Variants in RASAL2 observed in about 807,000 individuals in gnomAD.
RASAL2 encodes RAS protein activator like 2.
A neutral mutation model predicts 128.9 loss-of-function variants in RASAL2; 58 were observed. The ratio of observed to expected loss-of-function variants is 0.45; its 90% confidence interval spans 0.36 to 0.56. The LOEUF (loss-of-function observed/expected upper bound fraction) is 0.56. Among genes scored for constraint, RASAL2 ranks in the 20% least tolerant of loss-of-function variants. RASAL2 has a pLI of 0.00. For missense variants in RASAL2, 1,360 were observed against 1,601.6 expected (o/e 0.85, Z 2.57); for synonymous variants, 561 against 580.8 (o/e 0.97, Z 0.49).
At chr1:178,206,508 C>A (rs1340720646) in intron 1 of RASAL2, among the ~76,000 whole-genome samples, 1 of 152,124 alleles carries the variant, frequency 6.6e-6, no homozygotes, top group Admixed American at 6.5e-5. Context: ...AAGTGACAAG[C>A]CAAAATATAG....
At chr1:178,284,737 A>G (rs1451276464) in intron 2 of RASAL2, among the ~76,000 whole-genome samples, 1 of 151,984 alleles carries the variant, frequency 6.6e-6, no homozygotes, top group Non-Finnish European at 1.5e-5. Flanking sequence ...TCCACCATAT[A>G]AAAAAATAAG....
In RASAL2 at chr1:178,222,142, A is replaced by G. The variant is rs568013999; in HGVS notation, c.203-61422A>G. Among the ~76,000 whole-genome samples, 5 of 152,192 alleles carry G rather than the reference A, an allele frequency of 3.3e-5. No homozygotes were observed. In the East Asian group the frequency reaches 9.7e-4, roughly 29 times the overall value. ...ATGTGTGTCTTTATATTTAAAATGT[A>G]TTTCTTGTAGATAACGTATAGTTAG... On this transcript the variant is annotated intron_variant, in intron 1 of 17. Transcript: ENST00000367649.
In RASAL2 at chr1:178,444,885, G is replaced by A. The variant is rs998267620; in HGVS notation, c.1483-633G>A. On this transcript the variant is annotated intron_variant, in intron 8 of 17. Transcript: ENST00000367649. ...ACAAAAACAGAAACTGGTTTTCTGG[G>A]GAAAATAAATATTAATCAAGTAATT... Among the ~76,000 whole-genome samples, 3 of 151,962 alleles carry A rather than the reference G, an allele frequency of 2.0e-5. No homozygotes were observed. In the South Asian group the frequency reaches 6.2e-4, roughly 32 times the overall value.
At chr1:178,151,971 C>G (rs1660929028) in intron 1 of RASAL2, among the ~76,000 whole-genome samples, 1 of 152,148 alleles carries the variant, frequency 6.6e-6, no homozygotes, top group Non-Finnish European at 1.5e-5. Context: ...CACAGAGTTC[C>G]TTGAACTCAT....
intron 1 of RASAL2, among the ~76,000 whole-genome samples, chr1:178,195,394 T>C (rs1020707909): frequency 2.0e-5 from 3 of 152,218 alleles, no homozygotes; most frequent in African/African-American, 7.2e-5. Context: ...TAGTGTAAGG[T>C]TAAAAGTTAC....
At chr1:178,429,388 G>A (rs773899791) in intron 5 of RASAL2, among the ~76,000 whole-genome samples, 2 of 152,094 alleles carry the variant, frequency 1.3e-5, no homozygotes, top group African/African-American at 4.8e-5. Context: ...TAGGTAGCAG[G>A]AGGATGAGCC....
intron 3 of RASAL2, among the ~76,000 whole-genome samples, chr1:178,336,431 A>C (rs1341082799): frequency 6.6e-6 from 1 of 152,000 alleles, no homozygotes; most frequent in African/African-American, 2.4e-5. Context: ...ATAGTTGCAA[A>C]TATTCTTTAA....
intron 3 of RASAL2, among the ~76,000 whole-genome samples, chr1:178,365,874 CAT>C (rs1671373260): frequency 6.6e-6 from 1 of 152,114 alleles, no homozygotes; most frequent in African/African-American, 2.4e-5. Context: ...ATATTTGAGA[CAT>C]ATTTTAATAT....
intron 1 of RASAL2, among the ~76,000 whole-genome samples, chr1:178,233,930 C>G (rs1664119570): frequency 6.6e-6 from 1 of 152,184 alleles, no homozygotes; most frequent in African/African-American, 2.4e-5. Flanking sequence ...GATTTAGTTA[C>G]TGTTGAAATT....
In RASAL2 at chr1:178,292,789, T is replaced by A. The variant is rs933703373; in HGVS notation, c.331-7203T>A. Among the ~76,000 whole-genome samples, 3 of 152,276 alleles carry A rather than the reference T, an allele frequency of 2.0e-5. No homozygotes were observed. In the South Asian group the frequency reaches 6.2e-4, roughly 32 times the overall value. ...CATTATAAAAATACAAAAGCTGAATTTATGAGTTTATTTCTTTTGGCAATA... is the reference window on the plus strand; with the variant it reads ...CATTATAAAAATACAAAAGCTGAATATATGAGTTTATTTCTTTTGGCAATA... On this transcript the variant is annotated intron_variant, in intron 2 of 17. Coordinates refer to ENST00000367649, the MANE Select transcript of RASAL2 (RefSeq NM_170692.4).
At position 178,112,646 on chromosome 1, in the gene RASAL2, G is replaced by A. The variant is rs551918768; in HGVS notation, c.202+17952G>A. On this transcript the variant is annotated intron_variant, in intron 1 of 17. Coordinates refer to ENST00000367649, the MANE Select transcript of RASAL2 (RefSeq NM_170692.4). ...AAATCATCATTCTCAGTAAACTATC[G>A]CAAGAACAAAAAACCAAACACTGCA... Among the ~76,000 whole-genome samples the A allele has an allele frequency of 8.9e-3, 1,341 of 151,004 alleles. 9 individuals are homozygous for A. Among genetic ancestry groups the A allele is most frequent in the Middle Eastern group, 0.02 (6 of 294 alleles).
chr1:178,395,771 G>GTATA (rs57664965), intron 4 of RASAL2, among the ~76,000 whole-genome samples: 9,579 of 132,884 alleles, frequency 0.072, 505 homozygotes, highest in Admixed American at 0.096. Flanking sequence ...TTAATGAACA[G>GTATA]TATATATATA....
intron 3 of RASAL2, among the ~76,000 whole-genome samples, chr1:178,382,080 T>G (rs1231999154): frequency 1.3e-5 from 2 of 152,210 alleles, no homozygotes; most frequent in Non-Finnish European, 2.9e-5. Flanking sequence ...TTATCTCTGT[T>G]CATCTCATAC....
intron 3 of RASAL2, among the ~76,000 whole-genome samples, chr1:178,320,847 G>A (rs975205592): frequency 1.3e-5 from 2 of 152,096 alleles, no homozygotes; most frequent in Non-Finnish European, 1.5e-5. Flanking sequence ...TATTTAATTC[G>A]TAAAATTTAC....
At chr1:178,320,325 G>T (rs1422734406) in intron 3 of RASAL2, among the ~76,000 whole-genome samples, 2 of 152,246 alleles carry the variant, frequency 1.3e-5, no homozygotes, top group Non-Finnish European at 1.5e-5. Flanking sequence ...GCTCCACCCA[G>T]TTCGAGCTTC....
At chr1:178,343,568 G>T (rs1396498477) in intron 3 of RASAL2, among the ~76,000 whole-genome samples, 1 of 152,100 alleles carries the variant, frequency 6.6e-6, no homozygotes, top group African/African-American at 2.4e-5. Flanking sequence ...AGTAAAATGG[G>T]CCTTTGGCCT....
chr1:178,419,332 G>A (rs1038964072), intron 4 of RASAL2, among the ~76,000 whole-genome samples: 11 of 152,152 alleles, frequency 7.2e-5, no homozygotes, highest in Admixed American at 2.6e-4. Flanking sequence ...GGAGTGCTGT[G>A]GTACAGTCAT....
At chr1:178,347,573 G>A (rs1468053159) in intron 3 of RASAL2, among the ~76,000 whole-genome samples, 1 of 152,138 alleles carries the variant, frequency 6.6e-6, no homozygotes, top group African/African-American at 2.4e-5. Context: ...TGCAGCTATT[G>A]TTAGTCATCA....
intron 2 of RASAL2, among the ~76,000 whole-genome samples, chr1:178,298,840 A>C (rs1667630971): frequency 6.6e-6 from 1 of 152,024 alleles, no homozygotes; most frequent in African/African-American, 2.4e-5. Flanking sequence ...CAAACTATTT[A>C]GGATGTTACA....
Sources: allele counts gnomAD v4.1 joint callset (sites outside exome capture counted in the v4.1 genomes callset), GRCh38; gene constraint gnomAD v4.1.1; transcripts MANE v1.5; gene names NCBI Gene and HGNC (gene_info 2026-07-23, HGNC 2026-07-21).